GRID2: variants seen among roughly 807,000 people sequenced by gnomAD.
GRID2 encodes glutamate ionotropic receptor delta type subunit 2.
GRID2 carries 33 observed loss-of-function variants against 114.8 expected under a neutral mutation model. The ratio of observed to expected loss-of-function variants is 0.29; its 90% CI spans 0.22 to 0.38. The LOEUF is 0.38. Among genes scored for constraint, GRID2 ranks in the 10% least tolerant of loss-of-function variants. The probability of loss-of-function intolerance (pLI) is 1.00; values close to 1 mark genes in which losing one functional copy is unlikely to be tolerated. For missense variants in GRID2, 1,184 were observed against 1,257.7 expected (o/e 0.94, Z 0.89); for synonymous variants, 505 against 449.9 (o/e 1.12, Z -1.55).
At chr4:93,183,302 G>T (rs1359719881) in intron 4 of GRID2, among the ~76,000 whole-genome samples, 1 of 152,028 alleles carries the variant, frequency 6.6e-6, no homozygotes, top group East Asian at 1.9e-4. Flanking sequence ...TGTCTGTCAA[G>T]CTTATTAAAT....
At chr4:93,348,690 C>A (rs2149257389) in intron 8 of GRID2, among the ~76,000 whole-genome samples, 1 of 152,206 alleles carries the variant, frequency 6.6e-6, no homozygotes, top group Non-Finnish European at 1.5e-5. Flanking sequence ...CACAGAGGAA[C>A]TGGAGCATTC....
chr4:93,765,754 GA>G (rs1161253620), intron 14 of GRID2, among the ~76,000 whole-genome samples: 2 of 150,624 alleles, frequency 1.3e-5, no homozygotes, highest in Non-Finnish European at 3.0e-5. Context: ...CCACTGAGAA[GA>G]AAGTGTAGGC....
chr4:93,242,705 T>A (rs960817504), intron 8 of GRID2, among the ~76,000 whole-genome samples: 7 of 151,984 alleles, frequency 4.6e-5, no homozygotes, highest in Admixed American at 3.3e-4. Context: ...GAAATTATGT[T>A]TGGGGAGAGA....
chr4:93,702,768 T>C (rs1727623002), intron 14 of GRID2, among the ~76,000 whole-genome samples: 1 of 152,136 alleles, frequency 6.6e-6, no homozygotes, highest in Admixed American at 6.6e-5. Flanking sequence ...ACAGACTGTG[T>C]TCTAGAAGGG....
chr4:93,376,280 A>G (rs1763374632), intron 8 of GRID2, among the ~76,000 whole-genome samples: 1 of 152,194 alleles, frequency 6.6e-6, no homozygotes, highest in African/African-American at 2.4e-5. Flanking sequence ...GGAGACAAAC[A>G]TTATACACCT....
At chr4:93,440,763 C>T (rs1254427869) in intron 10 of GRID2, among the ~76,000 whole-genome samples, 1 of 152,020 alleles carries the variant, frequency 6.6e-6, no homozygotes, top group Non-Finnish European at 1.5e-5. Flanking sequence ...TAGTGAATGG[C>T]TGTAGGAGCA....
intron 1 of GRID2, among the ~76,000 whole-genome samples, chr4:92,520,258 G>A (rs1202912413): frequency 6.6e-6 from 1 of 151,682 alleles, no homozygotes; most frequent in Non-Finnish European, 1.5e-5. Context: ...TCAGGATAAT[G>A]TAATATTAAT....
chr4:92,860,477 A>G (rs1286015295), intron 2 of GRID2, among the ~76,000 whole-genome samples: 3 of 152,156 alleles, frequency 2.0e-5, no homozygotes, highest in Non-Finnish European at 2.9e-5. Flanking sequence ...TGCTATTACA[A>G]TGATAGATTT....
chr4:92,814,558 T>C (rs1315429811), intron 2 of GRID2, among the ~76,000 whole-genome samples: 2 of 152,016 alleles, frequency 1.3e-5, no homozygotes, highest in African/African-American at 2.4e-5. Flanking sequence ...TCCAAATAAG[T>C]CACCCATAGG....
intron 1 of GRID2, among the ~76,000 whole-genome samples, chr4:92,458,921 C>T (rs1721343162): frequency 6.6e-6 from 1 of 152,124 alleles, no homozygotes; most frequent in East Asian, 1.9e-4. Flanking sequence ...TTCTTCCATG[C>T]TCTGAGCAGG....
chr4:92,842,318 A>G (rs904141463), intron 2 of GRID2, among the ~76,000 whole-genome samples: 2 of 152,150 alleles, frequency 1.3e-5, no homozygotes, highest in African/African-American at 4.8e-5. Context: ...GCATGCCTGC[A>G]ATGCTCACCA....
rs964284656 is a variant in GRID2, at chr4:93,066,301, A to G, written c.245-18694A>G. On this transcript the variant is annotated intron_variant, in intron 2 of 15. Coordinates refer to ENST00000282020, the MANE Select transcript of GRID2 (RefSeq NM_001510.4). ...TAATTTCACTACATCTGTTCATCTCATTACTATTAAACCTTTGGTCACTAA... is the reference window on the plus strand; with the variant it reads ...TAATTTCACTACATCTGTTCATCTCGTTACTATTAAACCTTTGGTCACTAA... 3.3e-5 allele frequency among the ~76,000 whole-genome samples: 5 copies of G among 152,020 alleles called. No individual in the cohort carries two copies. The South Asian group carries it at 1.0e-3, about 31-fold the overall frequency.
chr4:92,714,186 C>A (rs187122688), intron 2 of GRID2, among the ~76,000 whole-genome samples: 2 of 152,244 alleles, frequency 1.3e-5, no homozygotes, highest in Admixed American at 1.3e-4. Flanking sequence ...GCTAGAGGCC[C>A]CATGTACGTC....
At chr4:93,407,743 TCC>T (rs1766628774) in intron 9 of GRID2, among the ~76,000 whole-genome samples, 2 of 125,098 alleles carry the variant, frequency 1.6e-5, no homozygotes, top group Non-Finnish European at 3.3e-5. Context: ...CTCCTCCTCC[TCC>T]TCCTCCTCCT....
At chr4:93,564,374 C>T (rs1735211905) in intron 13 of GRID2, among the ~76,000 whole-genome samples, 1 of 151,862 alleles carries the variant, frequency 6.6e-6, no homozygotes, top group Non-Finnish European at 1.5e-5. Flanking sequence ...AAGGTTTATT[C>T]CATAGGTTCA....
chr4:93,800,800 T>C (rs1245417759), intron 1 of GRID2, among the ~76,000 whole-genome samples: 1 of 151,826 alleles, frequency 6.6e-6, no homozygotes, highest in Non-Finnish European at 1.5e-5. Flanking sequence ...TTTGAATAAT[T>C]GAATCAATTT....
chr4:93,128,060 C>CA (rs752622895), intron 4 of GRID2, among the ~76,000 whole-genome samples: 4 of 68,858 alleles, frequency 5.8e-5, no homozygotes, highest in Admixed American at 3.3e-4. Context: ...AAAAAAAAAA[C>CA]AACAGTACGT....
At chr4:93,124,692 A>G (rs1411480138) in intron 4 of GRID2, among the ~76,000 whole-genome samples, 1 of 152,144 alleles carries the variant, frequency 6.6e-6, no homozygotes, top group African/African-American at 2.4e-5. Flanking sequence ...CACCCCATGA[A>G]GCTTTGTTGA....
intron 2 of GRID2, among the ~76,000 whole-genome samples, chr4:92,989,300 A>AATAAT (rs1553962742): frequency 3.3e-5 from 3 of 92,270 alleles, no homozygotes; most frequent in Admixed American, 1.4e-4. Context: ...AAAAAAAAAA[A>AATAAT]AATAATAATA....
Sources: allele counts gnomAD v4.1 joint callset (sites outside exome capture counted in the v4.1 genomes callset), GRCh38; gene constraint gnomAD v4.1.1; transcripts MANE v1.5; gene names NCBI Gene and HGNC (gene_info 2026-07-23, HGNC 2026-07-21).